Variants in PRMT1 observed in about 807,000 individuals in gnomAD.
The protein encoded by PRMT1 is protein arginine methyltransferase 1, also known as protein arginine N-methyltransferase 1.
In PRMT1, 5 loss-of-function variants were observed where a neutral mutation model predicts 47.4. The observed-to-expected ratio is 0.11, with a 90% CI of 0.06 to 0.22. PRMT1 has a LOEUF of 0.22. Among genes scored for constraint, PRMT1 ranks in the 10% least tolerant of loss-of-function variants. The probability of loss-of-function intolerance (pLI) is 1.00; values close to 1 mark genes in which losing one functional copy is unlikely to be tolerated. For synonymous variants in PRMT1, 227 were observed against 204.6 expected (o/e 1.11, Z -0.94); for missense variants, 249 against 518.4 (o/e 0.48, Z 5.05).
At chr19:49,686,266 G>A (rs1395058458) in intron 9 of PRMT1, 23 bp downstream of exon 9, 2 of 1,571,028 alleles carry the variant, frequency 1.3e-6, no homozygotes, top group Non-Finnish European at 8.6e-7. Context: ...CCACAGGGCT[G>A]GGGGCCGTTC....
rs1323956748 is a variant in PRMT1 at position 49,680,789 on chromosome 19, C to T, written c.192+201C>T. On this transcript the variant is annotated intron_variant, in intron 3 of 10. Transcript: ENST00000454376. This position sits in a 1 kb window ranked among gnomAD's most constrained non-coding sequence, Gnocchi z 4.2. ...GGTTAGCCTGAATCTCTGCAGGGGC[C>T]TCGCGCCGAAGGCTGGGGTGGGAGA... 3.3e-5 allele frequency among the ~76,000 whole-genome samples: 5 copies of T among 152,248 alleles called. No homozygotes were observed. Among genetic ancestry groups the T allele is most frequent in the South Asian group, 2.1e-4 (1 of 4,834 alleles).
rs1489837467 is a variant in PRMT1 at position 49,685,520 on chromosome 19, T to A, written c.759+483T>A. On this transcript the variant is annotated intron_variant, in intron 8 of 10. Coordinates refer to ENST00000454376, the MANE Select transcript of PRMT1 (RefSeq NM_001536.6). The surrounding 1 kb of genome is among the most constrained non-coding windows in gnomAD (Gnocchi z 4.7). ...GTTTTGTTTTGTTTTTTCCTTTTGT[T>A]TTTTTTTACTTCTGAGACCCTGTTT... The A allele has an allele frequency of 2.5e-5, 26 of 1,019,624 alleles. No individual in the cohort carries two copies. Among genetic ancestry groups the A allele is most frequent in the Admixed American group, 5.4e-5 (1 of 18,644 alleles). The allele number at this position is 1,019,624 out of a possible 1,614,324, so 63.2% of individuals were successfully genotyped here.
rs2082195147 is a variant in PRMT1, at chr19:49,685,691, T to G, written c.760-402T>G. 9.6e-7 allele frequency: 1 copy of G among 1,036,914 alleles called. No individual in the cohort carries two copies. Among genetic ancestry groups the G allele is most frequent in the South Asian group, 3.6e-5 (1 of 28,068 alleles). 64.2% of individuals were successfully genotyped at this position (1,036,914 alleles called of 1,614,324 possible). The stretch of plus-strand genomic sequence containing the variant: ...GAGACTACAGGGGCAGGGACCCCAC[T>G]CGGGCCACCCTCCTGAGAGCCAGGG... On this transcript the variant is annotated intron_variant, in intron 8 of 10. Transcript: ENST00000454376. This position sits in a 1 kb window ranked among gnomAD's most constrained non-coding sequence, Gnocchi z 4.7.
chr19:49,677,410 G>A (rs2082051446), intron 1 of PRMT1, 94 bp downstream of exon 1: 7 of 1,125,200 alleles, frequency 6.2e-6, no homozygotes, highest in Non-Finnish European at 8.2e-6. Flanking sequence ...TTGGCGATAT[G>A]GGGTTGGAGG....
intron 5 of PRMT1, 40 bp downstream of exon 5, chr19:49,682,299 G>A (rs750534369): frequency 2.5e-6 from 4 of 1,597,818 alleles, no homozygotes; most frequent in Non-Finnish European, 3.4e-6. Flanking sequence ...GAGTGGAGGG[G>A]GTGATGCCCT....
intron 1 of PRMT1, among the ~76,000 whole-genome samples, chr19:49,678,066 G>A (rs926211793): frequency 5.3e-5 from 8 of 152,082 alleles, no homozygotes; most frequent in Admixed American, 5.2e-4. Flanking sequence ...CCATTAATAG[G>A]CGCCGTGCAC....
At position 49,684,869 on chromosome 19, in the gene PRMT1, G is replaced by A. The variant is rs201583143; in HGVS notation, c.643+28G>A. On this transcript the variant is annotated intron_variant, in intron 7 of 10. Coordinates refer to ENST00000454376, the MANE Select transcript of PRMT1 (RefSeq NM_001536.6). This position sits in a 1 kb window ranked among gnomAD's most constrained non-coding sequence, Gnocchi z 6.2. ...GAGCGCGGCCCGGGAGCTGGCGGGC[G>A]GGGCCTCGGGTGGGCTGCTGCGGGC... The A allele has an allele frequency of 3.2e-4, 510 of 1,610,842 alleles. No homozygotes were observed. The highest frequency in any genetic ancestry group is 5.9e-4 in the Admixed American group (35 of 59,644).
At position 49,685,856 on chromosome 19, in the gene PRMT1, C is replaced by T. The variant is rs2082197021; in HGVS notation, c.760-237C>T. 2.2e-6 allele frequency: 3 copies of T among 1,371,586 alleles called. No individual in the cohort carries two copies. The highest frequency in any genetic ancestry group is 1.5e-5 in the African/African-American group (1 of 68,270). The allele number at this position is 1,371,586 out of a possible 1,614,324, so 85.0% of individuals were successfully genotyped here. On this transcript the variant is annotated intron_variant, in intron 8 of 10. Transcript: ENST00000454376. This position sits in a 1 kb window ranked among gnomAD's most constrained non-coding sequence, Gnocchi z 4.7. ...CTGGACAGAGTTAGGGTGGCACTGCCAGGTTTGGGTGTTGGAGAGGAGGGA... is the reference window on the plus strand; with the variant it reads ...CTGGACAGAGTTAGGGTGGCACTGCTAGGTTTGGGTGTTGGAGAGGAGGGA...
At chr19:49,677,464 A>T (rs1483566388) in intron 1 of PRMT1, 148 bp downstream of exon 1, 4 of 614,758 alleles carry the variant, frequency 6.5e-6, no homozygotes, top group African/African-American at 5.7e-5. Flanking sequence ...ACATCCGGGG[A>T]TATCGTTTGA....
Position 49,681,818 on chromosome 19 carries a change from CG to C in PRMT1, c.193-91del. 3 of 1,307,056 alleles carry C rather than the reference CG, an allele frequency of 2.3e-6. No individual in the cohort carries two copies. The highest frequency in any genetic ancestry group is 3.1e-6 in the Non-Finnish European group (3 of 964,730). 81.0% of individuals were successfully genotyped at this position (1,307,056 alleles called of 1,614,324 possible). ...GGTGCATGGAAGAAAGCGAGAGGGC[CG>C]AGCTCTGGCCCTCCGAGCTCTCAGG... On this transcript the variant is annotated intron_variant, in intron 3 of 10. Coordinates refer to ENST00000454376, the MANE Select transcript of PRMT1 (RefSeq NM_001536.6). The surrounding 1 kb of genome is among the most constrained non-coding windows in gnomAD (Gnocchi z 4.4).
Position 49,685,790 on chromosome 19 carries a change from T to G in PRMT1, c.760-303T>G. ...TCATGTTGTTGGACTTGTCAAGGGG[T>G]TGGGGAGACAGTGGAGTGGGGCGCC... On this transcript the variant is annotated intron_variant, in intron 8 of 10. Transcript: ENST00000454376. The surrounding 1 kb of genome is among the most constrained non-coding windows in gnomAD (Gnocchi z 4.7). The G allele has an allele frequency of 8.4e-7, 1 of 1,194,728 alleles. No homozygotes were observed. Among genetic ancestry groups the G allele is most frequent in the Non-Finnish European group, 1.0e-6 (1 of 958,236 alleles). The allele number at this position is 1,194,728 out of a possible 1,614,324, so 74.0% of individuals were successfully genotyped here. A position where few individuals can be genotyped will look rare whatever the true frequency, so the allele number is the denominator to read the frequency against.
In PRMT1 at chr19:49,679,895, T is replaced by A. The variant is rs2122940271; in HGVS notation, c.60T>A (p.Asn20Lys). 1.9e-6 allele frequency: 3 copies of A among 1,613,094 alleles called. No homozygotes were observed. The East Asian group carries it at 6.7e-5, about 36-fold the overall frequency. The change falls in exon 2 of 11, where the codon AAT (asparagine) becomes AAA (lysine). Residue 20 changes from asparagine (N) to lysine (K), a missense_variant. Around this residue, in one of 2 missense-constraint regions of PRMT1, gnomAD observed 59 missense variants for 61.7 expected, o/e 0.96. Transcript: ENST00000454376. ...IMENFVATLA[N>K]GMSLQPPLEE... ...AGAATTTTGTAGCCACCTTGGCTAA[T>A]GGGATGAGCCTCCAGCCGCCTCTTG...
rs780189816 is a variant in PRMT1 at position 49,684,902 on chromosome 19, C to A, written c.644-20C>A. On this transcript the variant is annotated intron_variant, in intron 7 of 10. Coordinates refer to ENST00000454376, the MANE Select transcript of PRMT1 (RefSeq NM_001536.6). This position sits in a 1 kb window ranked among gnomAD's most constrained non-coding sequence, Gnocchi z 6.2. ...GGGTGGGCTGCTGCGGGCTCACCCC[C>A]TCCCTGCCTGCCTCCCCAGGGTGGG... 18 of 1,604,692 alleles carry A rather than the reference C, an allele frequency of 1.1e-5. No individual in the cohort carries two copies. The Admixed American group carries it at 2.7e-4, about 24-fold the overall frequency.
rs189716976 is a variant in PRMT1 at position 49,685,260 on chromosome 19, C to T, written c.759+223C>T. ...ACCATGCTTGGCACTTGGCTTCTGGCGGAGGAAACACCCAAAGCTGGCAGC... is the reference window on the plus strand; with the variant it reads ...ACCATGCTTGGCACTTGGCTTCTGGTGGAGGAAACACCCAAAGCTGGCAGC... On this transcript the variant is annotated intron_variant, in intron 8 of 10. Coordinates refer to ENST00000454376, the MANE Select transcript of PRMT1 (RefSeq NM_001536.6). The surrounding 1 kb of genome is among the most constrained non-coding windows in gnomAD (Gnocchi z 4.7). 2.8e-4 allele frequency: 407 copies of T among 1,463,386 alleles called. 1 individual carries two copies. In the African/African-American group the frequency reaches 4.7e-3, roughly 17 times the overall value. 90.7% of individuals were successfully genotyped at this position (1,463,386 alleles called of 1,614,324 possible).
At chr19:49,687,246 C>T (rs1438672187) in intron 10 of PRMT1, among the ~76,000 whole-genome samples, 1 of 151,770 alleles carries the variant, frequency 6.6e-6, no homozygotes, top group Non-Finnish European at 1.5e-5. Flanking sequence ...CACCTGAGAT[C>T]AGGGGGCTTC....
In PRMT1 at chr19:49,688,010, C is replaced by A; in HGVS notation, c.1033-152C>A. Reference sequence around the variant, plus strand: ...GTGCTGTCCCTTGGCAGGGTCAGGGCAGCTGCTAGGGTGGGACCAGCAGTT... The same window carrying A: ...GTGCTGTCCCTTGGCAGGGTCAGGGAAGCTGCTAGGGTGGGACCAGCAGTT... On this transcript the variant is annotated intron_variant, in intron 10 of 10. Coordinates refer to ENST00000454376, the MANE Select transcript of PRMT1 (RefSeq NM_001536.6). The surrounding 1 kb of genome is among the most constrained non-coding windows in gnomAD (Gnocchi z 5.3). 1 of 728,214 alleles carries A rather than the reference C, an allele frequency of 1.4e-6. No individual in the cohort carries two copies. 45.1% of individuals were successfully genotyped at this position (728,214 alleles called of 1,614,324 possible).
Position 49,680,283 on chromosome 19 carries a change from T to TG in PRMT1, c.91-197dup, listed in dbSNP as rs754458732. ...CGGGGTGCTCCCCTGGATGGTGCTC[T>TG]GGGGGGGTCCTGGAAGTGGAAAATG... is the stretch of plus-strand genomic sequence containing the variant. On this transcript the variant is annotated intron_variant, in intron 2 of 10. Transcript: ENST00000454376. This position sits in a 1 kb window ranked among gnomAD's most constrained non-coding sequence, Gnocchi z 4.2. The TG allele has an allele frequency of 6.1e-5, 89 of 1,454,916 alleles. No individual in the cohort carries two copies. Among genetic ancestry groups the TG allele is most frequent in the African/African-American group, 5.2e-4 (37 of 71,196 alleles). The allele number at this position is 1,454,916 out of a possible 1,614,324, so 90.1% of individuals were successfully genotyped here.
In PRMT1 at chr19:49,680,406, G is replaced by C. The variant is rs1341811641; in HGVS notation, c.91-81G>C. 4.0e-5 allele frequency: 50 copies of C among 1,251,900 alleles called. No individual in the cohort carries two copies. Among genetic ancestry groups the C allele is most frequent in the Non-Finnish European group, 5.6e-5 (48 of 854,806 alleles). 77.5% of individuals were successfully genotyped at this position (1,251,900 alleles called of 1,614,324 possible). A position where few individuals can be genotyped will look rare whatever the true frequency, so the allele number is the denominator to read the frequency against. On this transcript the variant is annotated intron_variant, in intron 2 of 10. Transcript: ENST00000454376. This position sits in a 1 kb window ranked among gnomAD's most constrained non-coding sequence, Gnocchi z 4.2. ...TTTGGGGGTTCTATACTACTCTTCA[G>C]GGAAAAGTAGGGCGCTGGAGGTTTA...
chr19:49,677,200 C>G, upstream of PRMT1: 2 of 1,312,932 alleles, frequency 1.5e-6, no homozygotes, highest in Non-Finnish European at 2.0e-6. Flanking sequence ...GGCCGTGGAC[C>G]CTCTGGTATA....
Sources: allele counts gnomAD v4.1 joint callset (sites outside exome capture counted in the v4.1 genomes callset), GRCh38; gene constraint gnomAD v4.1.1; regional missense constraint gnomAD v4.1.1; non-coding constraint Gnocchi (gnomAD v3.1); transcripts MANE v1.5; gene names NCBI Gene and HGNC (gene_info 2026-07-23, HGNC 2026-07-21).